Variants in SLC16A12 observed in about 807,000 individuals in gnomAD.
SLC16A12 encodes the protein monocarboxylate transporter 12.
SLC16A12 carries 17 observed loss-of-function variants against 42.4 expected under a neutral mutation model. The observed-to-expected ratio is 0.40, with a 90% CI of 0.27 to 0.60. The LOEUF (loss-of-function observed/expected upper bound fraction) is 0.60, where lower values mean the gene tolerates loss of function less well. Ranked by LOEUF, SLC16A12 falls within the 20% of genes least tolerant of loss-of-function variation. The pLI is 0.42. For missense variants in SLC16A12, 544 were observed against 623.0 expected, an observed-to-expected ratio of 0.87 and a Z score of 1.35; for synonymous variants, 224 against 229.4, an observed-to-expected ratio of 0.98 and a Z score of 0.21.
chr10:89,503,859 T>A (rs913023600), intron 2 of SLC16A12, among the ~76,000 whole-genome samples: 2 of 152,100 alleles, frequency 1.3e-5, no homozygotes, highest in African/African-American at 2.4e-5. Context: ...GGAAGACAAG[T>A]CTATCACCAG....
chr10:89,552,124 C>T (rs187348912), intron 2 of SLC16A12, among the ~76,000 whole-genome samples: 2 of 152,160 alleles, frequency 1.3e-5, no homozygotes, highest in Non-Finnish European at 2.9e-5. Flanking sequence ...TTAGTAGAGA[C>T]AGGGTTTCAC....
intron 3 of SLC16A12, among the ~76,000 whole-genome samples, chr10:89,458,041 T>C (rs1392204789): frequency 6.6e-6 from 1 of 152,188 alleles, no homozygotes; most frequent in Non-Finnish European, 1.5e-5. Flanking sequence ...GTTTGTTTAT[T>C]TATTTGTAGA....
chr10:89,537,124 G>T (rs1589735831), upstream of SLC16A12, among the ~76,000 whole-genome samples: 1 of 149,930 alleles, frequency 6.7e-6, no homozygotes, highest in Admixed American at 6.7e-5. Context: ...CATTTGCCAC[G>T]CAGCAAGGCA....
intron 7 of SLC16A12, among the ~76,000 whole-genome samples, chr10:89,434,700 T>G (rs985678910): frequency 4.6e-5 from 7 of 152,208 alleles, no homozygotes; most frequent in Non-Finnish European, 8.8e-5. Flanking sequence ...CTAGGCAAAG[T>G]TTTGGGTTAT....
chr10:89,535,711 G>T (rs1185570789), upstream of SLC16A12, among the ~76,000 whole-genome samples: 1 of 151,636 alleles, frequency 6.6e-6, no homozygotes, highest in East Asian at 1.9e-4. Context: ...AGCCCTGGCG[G>T]TAGCGCGCGG....
intron 2 of SLC16A12, among the ~76,000 whole-genome samples, chr10:89,472,783 G>A (rs117621443): frequency 0.012 from 1,804 of 151,602 alleles, 9 homozygotes; most frequent in Middle Eastern, 0.024. Context: ...GTGAGCCACC[G>A]TGCCTGGTCA....
Position 89,508,320 on chromosome 10 carries a change from G to A in SLC16A12, c.-47+26181C>T, listed in dbSNP as rs537534145. On this transcript the variant is annotated intron_variant, in intron 2 of 7. Transcript: ENST00000371790. The stretch of plus-strand genomic sequence containing the variant: ...CACTTATTCCAAAATTGACCACATA[G>A]TTGGAAGTAAAACACTCTTCAGCAA... 2.3e-3 allele frequency among the ~76,000 whole-genome samples: 348 copies of A among 152,176 alleles called. 2 individuals are homozygous for A. The highest frequency in any genetic ancestry group is 8.5e-3 in the South Asian group (41 of 4,826).
chr10:89,499,943 C>T lies in SLC16A12; in HGVS notation c.-47+34558G>A, dbSNP rs191490196. Among the ~76,000 whole-genome samples the T allele has an allele frequency of 5.2e-4, 79 of 151,998 alleles. 1 individual carries two copies. The highest frequency in any genetic ancestry group is 1.8e-3 in the African/African-American group (74 of 41,434). ...AGAAGAGAGAAAATCCAAATAAGCT[C>T]GATAAGAAACAAAATGGGAAATATT... On this transcript the variant is annotated intron_variant, in intron 2 of 7. Coordinates refer to ENST00000371790, the MANE Select transcript of SLC16A12 (RefSeq NM_213606.4).
In SLC16A12 at chr10:89,443,808, G is replaced by A. The variant is rs139176300; in HGVS notation, c.252C>T (p.Tyr84=). Residue 84 remains tyrosine (Y), a synonymous_variant, in exon 4 of 8, where the codon TAC becomes TAT. Transcript: ENST00000371790. The part of the protein sequence containing the change: ...VEFQTYFTQD[Y]AQTAWIHSIV... ...TGGAATGGATCCATGCCGTTTGTGC[G>A]TAATCCTGAGTGAAGTATGTCTGGA... 2.1e-4 allele frequency: 337 copies of A among 1,613,718 alleles called. 1 individual carries two copies. Among genetic ancestry groups the A allele is most frequent in the Middle Eastern group, 3.3e-4 (2 of 6,082 alleles).
intron 2 of SLC16A12, among the ~76,000 whole-genome samples, chr10:89,516,101 C>T (rs941006268): frequency 6.6e-6 from 1 of 152,192 alleles, no homozygotes; most frequent in Non-Finnish European, 1.5e-5. Context: ...CACAGGAACA[C>T]ACCGGTGTGT....
At chr10:89,540,062 C>T (rs774195116), upstream of SLC16A12, among the ~76,000 whole-genome samples, 215 of 140,564 alleles carry the variant, frequency 1.5e-3, no homozygotes, top group Non-Finnish European at 8.3e-4. Flanking sequence ...TTTTTTCTTC[C>T]TTTCCTTCTT....
At chr10:89,521,872 T>C (rs1345976049) in intron 2 of SLC16A12, among the ~76,000 whole-genome samples, 2 of 152,250 alleles carry the variant, frequency 1.3e-5, no homozygotes, top group African/African-American at 4.8e-5. Flanking sequence ...CAACTGTCCT[T>C]TGACAATGTT....
At chr10:89,503,233 T>C (rs1564591897) in intron 2 of SLC16A12, among the ~76,000 whole-genome samples, 1 of 152,332 alleles carries the variant, frequency 6.6e-6, no homozygotes, top group Admixed American at 6.5e-5. Context: ...ACATTAAATA[T>C]GCCTTACTAA....
At chr10:89,556,055 G>A (rs1843814291) in intron 1 of SLC16A12, 1 of 151,956 alleles carries the variant, frequency 6.6e-6, no homozygotes, top group Non-Finnish European at 1.5e-5. Flanking sequence ...GTAACTTGGA[G>A]GAAAAAATTT....
chr10:89,440,002 G>A (rs539162216), intron 5 of SLC16A12, among the ~76,000 whole-genome samples: 3 of 138,816 alleles, frequency 2.2e-5, no homozygotes, highest in African/African-American at 8.0e-5. Context: ...TTGAGCCCAG[G>A]AGACAGAGGT....
intron 2 of SLC16A12, among the ~76,000 whole-genome samples, chr10:89,526,696 T>G (rs948609243): frequency 1.3e-5 from 2 of 152,260 alleles, no homozygotes; most frequent in African/African-American, 4.8e-5. Flanking sequence ...ACAGGACACC[T>G]GCTCAGATAG....
chr10:89,550,528 A>AAAC (rs889435854), intron 2 of SLC16A12, among the ~76,000 whole-genome samples: 14 of 152,190 alleles, frequency 9.2e-5, no homozygotes, highest in African/African-American at 3.4e-4. Flanking sequence ...CAAAACAAAC[A>AAAC]AACAACAACA....
intron 2 of SLC16A12, among the ~76,000 whole-genome samples, chr10:89,548,205 A>C (rs1308522393): frequency 3.3e-5 from 5 of 152,242 alleles, no homozygotes; most frequent in Non-Finnish European, 7.3e-5. Flanking sequence ...TCAATAGGAC[A>C]AAGTGACTGA....
At chr10:89,460,089 G>C (rs529011359) in intron 3 of SLC16A12, among the ~76,000 whole-genome samples, 7 of 152,046 alleles carry the variant, frequency 4.6e-5, no homozygotes, top group Non-Finnish European at 1.0e-4. Flanking sequence ...AAGCACTATG[G>C]GCAATTCCAC....
Sources: allele counts gnomAD v4.1 joint callset (sites outside exome capture counted in the v4.1 genomes callset), GRCh38; gene constraint gnomAD v4.1.1; transcripts MANE v1.5; gene names NCBI Gene and HGNC (gene_info 2026-07-23, HGNC 2026-07-21).